The following MRPL39 variants were observed in gnomAD, a reference collection of about 807,000 sequenced individuals.
MRPL39 encodes mitochondrial ribosomal protein L39, also known as large ribosomal subunit protein mL39.
Under a neutral mutation model 44.5 loss-of-function variants are expected in MRPL39, and 35 were observed. The observed-to-expected ratio is 0.79, with a 90% CI of 0.60 to 1.04. MRPL39 has a LOEUF of 1.04. Ranked by LOEUF, MRPL39 falls within the 50% of genes least tolerant of loss-of-function variation. The probability of loss-of-function intolerance (pLI) is 0.00; values close to 1 mark genes in which losing one functional copy is unlikely to be tolerated. For missense variants in MRPL39, 433 were observed against 413.5 expected (o/e 1.05, Z -0.41); for synonymous variants, 139 against 136.1 (o/e 1.02, Z -0.15).
At chr21:25,597,805 A>C (rs1275736326) in intron 5 of MRPL39, among the ~76,000 whole-genome samples, 2 of 152,166 alleles carry the variant, frequency 1.3e-5, no homozygotes, top group African/African-American at 4.8e-5. Flanking sequence ...GAATAAATCT[A>C]AGTTTATTAA....
intron 4 of MRPL39, among the ~76,000 whole-genome samples, chr21:25,600,736 C>G (rs1333746130): frequency 6.6e-6 from 1 of 152,248 alleles, no homozygotes; most frequent in Admixed American, 6.5e-5. Flanking sequence ...AAGCACAGCT[C>G]TTTACAGTAG....
At chr21:25,603,144 A>G (rs148565084) in intron 3 of MRPL39, among the ~76,000 whole-genome samples, 78 of 152,272 alleles carry the variant, frequency 5.1e-4, no homozygotes, top group Admixed American at 1.2e-3. Flanking sequence ...TTCTTTATAA[A>G]TTACCCAGTC....
chr21:25,603,692 T>G, intron 3 of MRPL39, 104 bp downstream of exon 3: 2 of 1,226,170 alleles, frequency 1.6e-6, no homozygotes, highest in Admixed American at 2.5e-5. Flanking sequence ...CGATACAACA[T>G]TTGAACTTGG....
chr21:25,606,517 C>T lies in MRPL39; in HGVS notation c.212G>A (p.Gly71Glu). 1.9e-6 allele frequency: 3 copies of T among 1,613,872 alleles called. No individual in the cohort carries two copies. Among genetic ancestry groups the T allele is most frequent in the Non-Finnish European group, 2.5e-6 (3 of 1,179,932 alleles). The change falls in exon 2 of 10, where the codon GGG becomes GAG. Residue 71 changes from glycine to glutamate, a missense_variant. Physicochemically the swap from Gly to Glu is moderately conservative, Grantham distance 98. Coordinates refer to ENST00000352957, the MANE Select transcript of MRPL39 (RefSeq NM_017446.4). The part of the protein sequence containing the change: ...RTEKIEVKHV[G>E]KTDPGTVFVM... The stretch of plus-strand genomic sequence containing the variant: ...GAAGACAGTACCGGGGTCAGTTTTC[C>T]CAACATGCTTAACTTCTATCTTCTC...
At chr21:25,593,543 CT>C (rs1308460055) in intron 7 of MRPL39, among the ~76,000 whole-genome samples, 2 of 152,334 alleles carry the variant, frequency 1.3e-5, no homozygotes, top group African/African-American at 2.4e-5. Context: ...TAAGTAATTA[CT>C]AGTTAGTCAG....
chr21:25,593,856 C>G, intron 7 of MRPL39, 37 bp downstream of exon 7: 1 of 1,570,740 alleles, frequency 6.4e-7, no homozygotes. Flanking sequence ...CTAAGCCTTA[C>G]TCTAACATAG....
intron 7 of MRPL39, 48 bp downstream of exon 7, chr21:25,593,845 G>C: frequency 6.7e-7 from 1 of 1,502,160 alleles, no homozygotes. Context: ...TAACAATAAA[G>C]CTAAGCCTTA....
intron 4 of MRPL39, among the ~76,000 whole-genome samples, chr21:25,600,532 T>C (rs1356854569): frequency 6.6e-6 from 1 of 151,360 alleles, no homozygotes; most frequent in Non-Finnish European, 1.5e-5. Flanking sequence ...CTTAGAATCA[T>C]TTCTTGAGCT....
At chr21:25,603,726 T>C (rs748195777) in intron 3 of MRPL39, 70 bp downstream of exon 3, 32 of 1,461,086 alleles carry the variant, frequency 2.2e-5, no homozygotes, top group Middle Eastern at 2.0e-4. Flanking sequence ...TTACACCCCA[T>C]AGAAAACAGG....
chr21:25,599,898 C>G (rs1195046343), intron 4 of MRPL39, 32 bp from the exon 5 acceptor site: 5 of 1,537,744 alleles, frequency 3.3e-6, no homozygotes, highest in Non-Finnish European at 4.5e-6. Context: ...AAAGCAAAGT[C>G]AAATCTGCCC....
chr21:25,597,454 GA>G, intron 5 of MRPL39, 40 bp from the exon 6 acceptor site: 1 of 1,175,048 alleles, frequency 8.5e-7, no homozygotes, highest in Middle Eastern at 2.1e-4. Flanking sequence ...ACAATTCACT[GA>G]AAAGCATTTC....
intron 8 of MRPL39, among the ~76,000 whole-genome samples, chr21:25,591,072 T>C (rs1413097396): frequency 2.8e-5 from 2 of 71,868 alleles, no homozygotes; most frequent in African/African-American, 5.0e-5. Context: ...CTGACATCTA[T>C]AGCCCACAAA....
In MRPL39 at chr21:25,597,404, C is replaced by T. The variant is rs762645233; in HGVS notation, c.599G>A (p.Arg200His). The T allele has an allele frequency of 6.5e-6, 10 of 1,539,650 alleles. No individual in the cohort carries two copies. The highest frequency in any genetic ancestry group is 5.7e-5 in the South Asian group (5 of 86,990). The change falls in exon 6 of 10, where the codon CGT becomes CAT. Residue 200 changes from arginine to histidine, a missense_variant. Transcript: ENST00000352957. ...DEWMPTKENL[R>H]SFTKDAHALI... Reference sequence around the variant, plus strand: ...AGCATGAGCATCTTTTGTGAAGGAACGTAAGTTCTCCTTAAAAATGAAAGT... The same window carrying T: ...AGCATGAGCATCTTTTGTGAAGGAATGTAAGTTCTCCTTAAAAATGAAAGT...
intron 9 of MRPL39, chr21:25,587,833 T>G (rs1249928371): frequency 1.4e-6 from 2 of 1,413,324 alleles, no homozygotes; most frequent in African/African-American, 2.8e-5. Context: ...AACTTGAAAA[T>G]AAGTTTAATG....
chr21:25,590,591 A>T (rs534598408), intron 8 of MRPL39, among the ~76,000 whole-genome samples: 9 of 152,140 alleles, frequency 5.9e-5, no homozygotes, highest in Admixed American at 2.0e-4. Context: ...AATGTATAGG[A>T]GAGGTGTGCT....
chr21:25,599,510 G>C (rs2031458118), intron 5 of MRPL39, among the ~76,000 whole-genome samples: 1 of 152,036 alleles, frequency 6.6e-6, no homozygotes, highest in African/African-American at 2.4e-5. Flanking sequence ...AAACCACTTA[G>C]AAGGAACATC....
chr21:25,592,680 A>C, intron 8 of MRPL39, 132 bp downstream of exon 8: 3 of 625,052 alleles, frequency 4.8e-6, no homozygotes, highest in South Asian at 4.7e-5. Flanking sequence ...CATAAACCTG[A>C]GTTTATAAAA....
At position 25,597,384 on chromosome 21, in the gene MRPL39, G is replaced by A. The variant is rs1226707362; in HGVS notation, c.619C>T (p.His207Tyr). ...ENLRSFTKDAHALIYKDLPFE... is the reference protein window; with the variant it reads ...ENLRSFTKDAYALIYKDLPFE... Reference sequence around the variant, plus strand: ...GGAAGATCTTTATAAATTAAAGCATGAGCATCTTTTGTGAAGGAACGTAAG... The same window carrying A: ...GGAAGATCTTTATAAATTAAAGCATAAGCATCTTTTGTGAAGGAACGTAAG... Residue 207 changes from histidine (H) to tyrosine (Y), a missense_variant, in exon 6 of 10, where the codon CAT (histidine) becomes TAT (tyrosine). Transcript: ENST00000352957. The A allele has an allele frequency of 4.4e-6, 7 of 1,596,074 alleles. No individual in the cohort carries two copies. Among genetic ancestry groups the A allele is most frequent in the African/African-American group, 2.7e-5 (2 of 74,478 alleles).
At chr21:25,590,811 A>G (rs1006362125) in intron 8 of MRPL39, among the ~76,000 whole-genome samples, 3 of 152,216 alleles carry the variant, frequency 2.0e-5, no homozygotes, top group Non-Finnish European at 4.4e-5. Context: ...AGACTAGAAG[A>G]GTTAAAACAA....
Sources: gnomAD v4.1 joint callset for allele counts (sites outside exome capture counted in the v4.1 genomes callset) on GRCh38, gnomAD v4.1.1 for gene constraint, MANE v1.5 for transcripts, NCBI Gene and HGNC (gene_info 2026-07-23, HGNC 2026-07-21) for gene names.